ABHD3: variants seen among roughly 807,000 people sequenced by gnomAD.
The protein encoded by ABHD3 is abhydrolase domain containing 3, phospholipase.
A neutral mutation model predicts 48.8 loss-of-function variants in ABHD3; 46 were observed. The ratio of observed to expected loss-of-function variants is 0.94; its 90% CI spans 0.74 to 1.20. ABHD3 has a LOEUF of 1.20. Ranked by LOEUF, ABHD3 falls within the 50% of genes most tolerant of loss-of-function variation. The pLI is 0.00. For missense variants in ABHD3, 490 were observed against 497.8 expected, an observed-to-expected ratio of 0.98 and a Z score of 0.15; for synonymous variants, 192 against 183.7, an observed-to-expected ratio of 1.04 and a Z score of -0.36.
At chr18:21,675,307 T>C (rs1191256303) in intron 4 of ABHD3, among the ~76,000 whole-genome samples, 1 of 146,472 alleles carries the variant, frequency 6.8e-6, no homozygotes, top group African/African-American at 2.5e-5. Context: ...CTCGCTCTGT[T>C]GCCCAGGCTG....
Position 21,657,044 on chromosome 18 carries a change from A to G in ABHD3, c.892-18T>C. The stretch of plus-strand genomic sequence containing the variant: ...GATTTAGCCTGAAACACAAAAACAA[A>G]TTATATCTAGTCTTGCCCAAAAGAA... On this transcript the variant is annotated intron_variant, in intron 7 of 8. Coordinates refer to ENST00000289119, the MANE Select transcript of ABHD3 (RefSeq NM_138340.5). 1 of 1,614,046 alleles carries G rather than the reference A, an allele frequency of 6.2e-7. No individual in the cohort carries two copies. Among genetic ancestry groups the G allele is most frequent in the Non-Finnish European group, 8.5e-7 (1 of 1,179,972 alleles).
Position 21,702,599 on chromosome 18 carries a change from CAT to C in ABHD3, c.327-103_327-102del. On this transcript the variant is annotated intron_variant, in intron 2 of 8. Coordinates refer to ENST00000289119, the MANE Select transcript of ABHD3 (RefSeq NM_138340.5). ...ACATTATTTGCTCATCAAAAAATAA[CAT>C]TTTTCCAGCATTCACGAACACACAC... 2.7e-6 allele frequency: 3 copies of C among 1,102,214 alleles called. No individual in the cohort carries two copies. The South Asian group carries it at 5.6e-5, about 20-fold the overall frequency. The allele number at this position is 1,102,214 out of a possible 1,614,324, so 68.3% of individuals were successfully genotyped here.
chr18:21,652,866 A>G (rs1006664610), intron 8 of ABHD3, among the ~76,000 whole-genome samples: 6 of 150,580 alleles, frequency 4.0e-5, no homozygotes, highest in Admixed American at 1.3e-4. Flanking sequence ...CATCCTGGCC[A>G]ACGTGGTGAA....
At chr18:21,698,042 G>A (rs905692339) in intron 3 of ABHD3, among the ~76,000 whole-genome samples, 5 of 152,002 alleles carry the variant, frequency 3.3e-5, no homozygotes, top group African/African-American at 9.7e-5. Context: ...TGCACCCTGC[G>A]CCTCAGGGAT....
intron 3 of ABHD3, among the ~76,000 whole-genome samples, chr18:21,695,094 G>A (rs1259596643): frequency 6.6e-6 from 1 of 151,976 alleles, no homozygotes; most frequent in South Asian, 2.1e-4. Context: ...GTGCAATGGA[G>A]CAATCTCAAC....
chr18:21,659,412 T>A (rs2039432951), intron 5 of ABHD3, 69 bp from the exon 6 acceptor site: 3 of 1,467,072 alleles, frequency 2.0e-6, no homozygotes, highest in Non-Finnish European at 2.8e-6. Flanking sequence ...CATTTCTAAC[T>A]ACAGACTTTA....
intron 3 of ABHD3, among the ~76,000 whole-genome samples, chr18:21,700,865 A>G (rs2040494400): frequency 7.2e-6 from 1 of 139,374 alleles, no homozygotes; most frequent in African/African-American, 2.7e-5. Context: ...CCAGGCTGGG[A>G]GCATTAACTC....
chr18:21,674,275 T>C (rs1171105478), intron 4 of ABHD3, among the ~76,000 whole-genome samples: 1 of 151,690 alleles, frequency 6.6e-6, no homozygotes, highest in Non-Finnish European at 1.5e-5. Flanking sequence ...AGGTTCTTGC[T>C]CTGTTGCCCA....
At position 21,676,448 on chromosome 18, in the gene ABHD3, T is replaced by C. The variant is rs112005739; in HGVS notation, c.555+7472A>G. 2.0e-5 allele frequency among the ~76,000 whole-genome samples: 3 copies of C among 152,300 alleles called. 1 individual carries two copies. Among genetic ancestry groups the C allele is most frequent in the African/African-American group, 7.2e-5 (3 of 41,568 alleles). ...GCTCTGTAGCCCAGGCTACACACAG[T>C]GGTGTGATCTTGGCTCACTGCAACC... On this transcript the variant is annotated intron_variant, in intron 4 of 8. Coordinates refer to ENST00000289119, the MANE Select transcript of ABHD3 (RefSeq NM_138340.5).
intron 4 of ABHD3, among the ~76,000 whole-genome samples, chr18:21,678,520 T>C (rs1456855053): frequency 6.6e-6 from 1 of 152,186 alleles, no homozygotes; most frequent in Non-Finnish European, 1.5e-5. Context: ...CAGATTTGCC[T>C]ATTTTGAATA....
At chr18:21,666,586 T>TC (rs2039636627) in intron 4 of ABHD3, among the ~76,000 whole-genome samples, 1 of 152,218 alleles carries the variant, frequency 6.6e-6, no homozygotes, top group Non-Finnish European at 1.5e-5. Flanking sequence ...CGCCCTGGTT[T>TC]CCCACAGTGC....
chr18:21,653,804 G>A (rs916862119), intron 8 of ABHD3, among the ~76,000 whole-genome samples: 39 of 151,010 alleles, frequency 2.6e-4, no homozygotes, highest in African/African-American at 9.2e-4. Flanking sequence ...GCTGAGGTGG[G>A]AGGACAGCTT....
chr18:21,697,660 C>A (rs1185158459), intron 3 of ABHD3, among the ~76,000 whole-genome samples: 2 of 152,194 alleles, frequency 1.3e-5, no homozygotes, highest in African/African-American at 4.8e-5. Context: ...GGATAAGAGG[C>A]CAGAGCCACC....
At chr18:21,683,886 A>G (rs2040065735) in intron 4 of ABHD3, 34 bp downstream of exon 4, 1 of 1,538,664 alleles carries the variant, frequency 6.5e-7, no homozygotes. Flanking sequence ...GATTCTTTAA[A>G]AAGTTAAGAC....
At chr18:21,653,843 CTTTT>C (rs759776288) in intron 8 of ABHD3, among the ~76,000 whole-genome samples, 4 of 137,272 alleles carry the variant, frequency 2.9e-5, no homozygotes, top group African/African-American at 1.1e-4. Flanking sequence ...CTGCAGTAAA[CTTTT>C]TTTTTTTTTT....
At chr18:21,703,261 G>C (rs1170516307) in intron 2 of ABHD3, among the ~76,000 whole-genome samples, 1 of 121,858 alleles carries the variant, frequency 8.2e-6, no homozygotes, top group Admixed American at 1.2e-4. Context: ...AATGAATGCA[G>C]ATCATCAAAA....
chr18:21,664,359 T>C (rs2039573706), intron 4 of ABHD3, 129 bp from the exon 5 acceptor site: 7 of 797,692 alleles, frequency 8.8e-6, no homozygotes, highest in Non-Finnish European at 1.3e-5. Flanking sequence ...CATACTGTAG[T>C]ATTAATAATT....
At chr18:21,696,069 C>T (rs1039422413) in intron 3 of ABHD3, among the ~76,000 whole-genome samples, 2 of 151,082 alleles carry the variant, frequency 1.3e-5, no homozygotes, top group African/African-American at 2.4e-5. Flanking sequence ...TTTTCTTCCC[C>T]CCTAGTAATA....
intron 4 of ABHD3, among the ~76,000 whole-genome samples, chr18:21,670,807 G>C (rs1277075768): frequency 6.6e-6 from 1 of 152,142 alleles, no homozygotes; most frequent in African/African-American, 2.4e-5. Flanking sequence ...TTGAGGTCAG[G>C]AGTTCGAGAC....
Sources: gnomAD v4.1 joint callset for allele counts (sites outside exome capture counted in the v4.1 genomes callset) on GRCh38, gnomAD v4.1.1 for gene constraint, MANE v1.5 for transcripts, NCBI Gene and HGNC (gene_info 2026-07-23, HGNC 2026-07-21) for gene names.